MACROD1: variants seen among roughly 807,000 people sequenced by gnomAD.
The protein encoded by MACROD1 is ADP-ribose glycohydrolase MACROD1.
MACROD1 carries 31 observed loss-of-function variants against 41.4 expected under a neutral mutation model. The observed-to-expected ratio is 0.75, with a 90% confidence interval of 0.56 to 1.01. MACROD1 has a LOEUF of 1.01. Ranked by LOEUF, MACROD1 falls within the 50% of genes least tolerant of loss-of-function variation. The pLI, the probability that MACROD1 is intolerant of heterozygous loss-of-function variation, is 0.00. For synonymous variants in MACROD1, 252 were observed against 203.4 expected (o/e 1.24, Z -2.03); for missense variants, 473 against 460.0 (o/e 1.03, Z -0.26).
At chr11:64,157,619 C>T (rs571199963) in intron 1 of MACROD1, among the ~76,000 whole-genome samples, 1 of 152,312 alleles carries the variant, frequency 6.6e-6, no homozygotes, top group East Asian at 1.9e-4. Context: ...ACGAAGCTTC[C>T]AGCGGCTCCC....
At chr11:64,023,546 A>G (rs908682030) in intron 3 of MACROD1, among the ~76,000 whole-genome samples, 2 of 152,062 alleles carry the variant, frequency 1.3e-5, no homozygotes, top group African/African-American at 4.8e-5. Context: ...TAAGTCAGGG[A>G]GAAGGATTTG....
At chr11:64,115,563 T>C (rs145908834) in intron 3 of MACROD1, among the ~76,000 whole-genome samples, 2,117 of 152,296 alleles carry the variant, frequency 0.014, 32 homozygotes, top group South Asian at 0.09. Flanking sequence ...AATGTACGAG[T>C]GACAACAGGA....
At chr11:64,041,404 C>T (rs534339221) in intron 3 of MACROD1, among the ~76,000 whole-genome samples, 1 of 151,924 alleles carries the variant, frequency 6.6e-6, no homozygotes, top group Non-Finnish European at 1.5e-5. Flanking sequence ...AAAATGCTGC[C>T]GGGTGCTGGA....
intron 3 of MACROD1, among the ~76,000 whole-genome samples, chr11:64,054,023 G>C (rs1943740568): frequency 6.6e-6 from 1 of 152,170 alleles, no homozygotes; most frequent in African/African-American, 2.4e-5. Context: ...GCTCCCACGT[G>C]GTTCAGAAAG....
At chr11:64,133,552 C>T (rs1228933389) in intron 3 of MACROD1, among the ~76,000 whole-genome samples, 2 of 152,200 alleles carry the variant, frequency 1.3e-5, no homozygotes, top group Non-Finnish European at 2.9e-5. Flanking sequence ...GCTCCGGAAG[C>T]ACTGGACACA....
chr11:64,061,829 A>C, intron 3 of MACROD1, among the ~76,000 whole-genome samples: 1 of 145,994 alleles, frequency 6.8e-6, no homozygotes, highest in Non-Finnish European at 1.5e-5. Context: ...CTCCCACCTC[A>C]GCCTCCCAAG....
At chr11:64,142,011 G>T (rs1229841816) in intron 3 of MACROD1, among the ~76,000 whole-genome samples, 2 of 152,168 alleles carry the variant, frequency 1.3e-5, no homozygotes, top group African/African-American at 4.8e-5. Context: ...GGGTTACACT[G>T]GGCCTTGTAC....
At chr11:64,094,863 G>A (rs1214488022) in intron 3 of MACROD1, among the ~76,000 whole-genome samples, 1 of 152,220 alleles carries the variant, frequency 6.6e-6, no homozygotes, top group Non-Finnish European at 1.5e-5. Context: ...TCCAGGTTGG[G>A]GGGCCCAGGA....
intron 3 of MACROD1, among the ~76,000 whole-genome samples, chr11:64,028,784 C>G (rs1010225103): frequency 6.6e-6 from 1 of 152,170 alleles, no homozygotes; most frequent in South Asian, 2.1e-4. Flanking sequence ...GCACCTGTGC[C>G]CGGCAGGTAA....
At chr11:64,053,416 C>T (rs1049255154) in intron 3 of MACROD1, among the ~76,000 whole-genome samples, 4 of 152,298 alleles carry the variant, frequency 2.6e-5, no homozygotes, top group South Asian at 2.1e-4. Flanking sequence ...ACTTAGAGGC[C>T]GGCCCTCCCT....
intron 3 of MACROD1, among the ~76,000 whole-genome samples, chr11:64,113,979 G>T (rs1944917367): frequency 6.7e-6 from 1 of 150,196 alleles, no homozygotes; most frequent in Non-Finnish European, 1.5e-5. Flanking sequence ...TGGATGGATG[G>T]ATAATTGGAT....
intron 3 of MACROD1, among the ~76,000 whole-genome samples, chr11:64,084,884 T>A (rs1008297140): frequency 5.3e-5 from 8 of 152,134 alleles, no homozygotes; most frequent in African/African-American, 1.9e-4. Flanking sequence ...GAGAGCTGCG[T>A]GTGTGGGGGC....
At position 64,082,332 on chromosome 11, in the gene MACROD1, G is replaced by A. The variant is rs936961955; in HGVS notation, c.518-67051C>T. 6.6e-6 allele frequency among the ~76,000 whole-genome samples: 1 copy of A among 152,038 alleles called. No individual in the cohort carries two copies. Among genetic ancestry groups the A allele is most frequent in the African/African-American group, 2.4e-5 (1 of 41,406 alleles). ...AGAGACGCTGGGTGGAGGATGATCC[G>A]GGGGGACCGTGGAAGGCAGGACGGG... On this transcript the variant is annotated intron_variant, in intron 3 of 10. Coordinates refer to ENST00000255681, the MANE Select transcript of MACROD1 (RefSeq NM_014067.4). This position sits in a 1 kb window ranked among gnomAD's most constrained non-coding sequence, Gnocchi z 4.5.
chr11:64,099,770 G>A (rs994771642), intron 3 of MACROD1, among the ~76,000 whole-genome samples: 3 of 151,608 alleles, frequency 2.0e-5, no homozygotes, highest in Admixed American at 2.0e-4. Flanking sequence ...ATGGAGAGAT[G>A]GATAGGTGAA....
At chr11:64,065,651 A>G (rs372528349) in intron 3 of MACROD1, among the ~76,000 whole-genome samples, 7,288 of 152,050 alleles carry the variant, frequency 0.048, 247 homozygotes, top group South Asian at 0.14. Flanking sequence ...TTAGCCAGGC[A>G]TGGTGGCGGC....
chr11:64,011,267 G>A (rs1032185528), intron 4 of MACROD1, among the ~76,000 whole-genome samples: 1 of 149,342 alleles, frequency 6.7e-6, no homozygotes, highest in Non-Finnish European at 1.5e-5. Context: ...TATTGTTTGG[G>A]GTGTTGGCTG....
chr11:64,038,542 G>A (rs935618367), intron 3 of MACROD1, among the ~76,000 whole-genome samples: 1 of 152,202 alleles, frequency 6.6e-6, no homozygotes, highest in Non-Finnish European at 1.5e-5. Flanking sequence ...CTGTCAAGTG[G>A]CTGCTCTGGT....
intron 3 of MACROD1, among the ~76,000 whole-genome samples, chr11:64,115,858 GTGAAGTCT>G (rs903279960): frequency 6.6e-6 from 1 of 152,214 alleles, no homozygotes; most frequent in African/African-American, 2.4e-5. Context: ...GTGGCTTTGT[GTGAAGTCT>G]TGAGAGAAGA....
At chr11:64,116,165 T>TG in intron 3 of MACROD1, 1 of 1,493,096 alleles carries the variant, frequency 6.7e-7, no homozygotes, top group Non-Finnish European at 8.9e-7. Context: ...GATTCACTCC[T>TG]GGGGTCGCTG....
Sources: gnomAD v4.1 joint callset for allele counts (sites outside exome capture counted in the v4.1 genomes callset) on GRCh38, gnomAD v4.1.1 for gene constraint, Gnocchi (gnomAD v3.1) non-coding constraint, MANE v1.5 for transcripts, NCBI Gene and HGNC (gene_info 2026-07-23, HGNC 2026-07-21) for gene names.